The following CALN1 variants were observed in gnomAD, a reference collection of about 807,000 sequenced individuals.
The protein encoded by CALN1 is calcium-binding protein 8.
CALN1 carries 17 observed loss-of-function variants against 30.6 expected under a neutral mutation model. The ratio of observed to expected loss-of-function variants is 0.56; its 90% confidence interval spans 0.38 to 0.83. The LOEUF (loss-of-function observed/expected upper bound fraction) is 0.83, where lower values mean the gene tolerates loss of function less well. Ranked by LOEUF, CALN1 falls within the 40% of genes least tolerant of loss-of-function variation. The pLI is 0.00. For missense variants in CALN1, 291 were observed against 354.9 expected (o/e 0.82, Z 1.45); for synonymous variants, 156 against 131.4 (o/e 1.19, Z -1.28).
At chr7:72,073,305 C>T (rs1239573002) in intron 4 of CALN1, among the ~76,000 whole-genome samples, 4 of 152,076 alleles carry the variant, frequency 2.6e-5, no homozygotes, top group Admixed American at 2.0e-4. Context: ...AGAAGAAAAA[C>T]GTTATGAAGA....
At chr7:72,407,158 A>G (rs1806755612) in intron 1 of CALN1, among the ~76,000 whole-genome samples, 2 of 152,246 alleles carry the variant, frequency 1.3e-5, no homozygotes, top group Non-Finnish European at 2.9e-5. Context: ...TAATCAAATT[A>G]GACCATCCAG....
chr7:72,501,908 CAAAAAA>C, the CALN1 span, among the ~76,000 whole-genome samples: 149 of 24,698 alleles, frequency 6.0e-3, 2 homozygotes, highest in Admixed American at 7.2e-3. Flanking sequence ...GATTTCGTCT[CAAAAAA>C]AAAAAAAAAA....
At chr7:72,304,459 A>G (rs1799511174) in intron 2 of CALN1, among the ~76,000 whole-genome samples, 2 of 152,220 alleles carry the variant, frequency 1.3e-5, no homozygotes, top group Non-Finnish European at 2.9e-5. Flanking sequence ...CCTGGGCAAC[A>G]ACAGGAAGGC....
chr7:72,110,106 G>A (rs1807457238), intron 3 of CALN1, among the ~76,000 whole-genome samples: 1 of 152,166 alleles, frequency 6.6e-6, no homozygotes. Context: ...AACTCTCTGG[G>A]TTACTGATAT....
chr7:72,494,599 G>A, the CALN1 span, among the ~76,000 whole-genome samples: 4 of 152,260 alleles, frequency 2.6e-5, no homozygotes, highest in Non-Finnish European at 4.4e-5. Context: ...AACACAGGCC[G>A]GGCGCGTTGG....
intron 4 of CALN1, among the ~76,000 whole-genome samples, chr7:72,080,122 T>C (rs1445237573): frequency 2.6e-5 from 4 of 152,198 alleles, no homozygotes; most frequent in African/African-American, 4.8e-5. Flanking sequence ...CTTCAGATCA[T>C]ACTAATGCCA....
chr7:72,103,247 A>G, intron 4 of CALN1: 1 of 168,662 alleles, frequency 5.9e-6, no homozygotes, highest in Non-Finnish European at 1.3e-5. Flanking sequence ...AATCACCTGG[A>G]TATTGAGACC....
At chr7:71,847,782 G>GAAGAAGA (rs1790382653) in intron 5 of CALN1, among the ~76,000 whole-genome samples, 1 of 146,326 alleles carries the variant, frequency 6.8e-6, no homozygotes, top group East Asian at 2.1e-4. Flanking sequence ...GAAAGAAGAA[G>GAAGAAGA]AAGAAGAAGA....
At chr7:72,358,792 T>C (rs184882464) in intron 2 of CALN1, among the ~76,000 whole-genome samples, 2 of 151,958 alleles carry the variant, frequency 1.3e-5, no homozygotes, top group East Asian at 3.9e-4. Context: ...CTACTAAAAA[T>C]ACAAAAATTA....
At chr7:71,848,337 C>T (rs1425218906) in intron 5 of CALN1, among the ~76,000 whole-genome samples, 4 of 152,158 alleles carry the variant, frequency 2.6e-5, no homozygotes, top group African/African-American at 9.7e-5. Flanking sequence ...TACTGAATGG[C>T]CCCTTCTGTT....
rs531848624 is a variant in CALN1, at chr7:72,022,701, C to G, written c.501+956G>C. 4.6e-5 allele frequency among the ~76,000 whole-genome samples: 7 copies of G among 152,202 alleles called. No homozygotes were observed. The South Asian group carries it at 1.5e-3, about 32-fold the overall frequency. On this transcript the variant is annotated intron_variant, in intron 5 of 6. Transcript: ENST00000395275. ...GAGCCACCAAATTCAGCTTCCCCAG[C>G]CAAATTGTGAAATAGCTAGGTCTGA...
rs1405750809 is a variant in CALN1, at chr7:71,781,221, A to G, written c.*6554T>C. On this transcript the variant is annotated 3_prime_UTR_variant, in exon 7 of 7. Coordinates refer to ENST00000395275, the MANE Select transcript of CALN1 (RefSeq NM_031468.4). ...TCTGGCTTTAGAGAAACCTGAAGCC[A>G]GGGAGGAATGTCACTCAACATAACC... The G allele has an allele frequency of 1.3e-5, 2 of 152,208 alleles. No individual in the cohort carries two copies. Among genetic ancestry groups the G allele is most frequent in the Non-Finnish European group, 2.9e-5 (2 of 68,046 alleles). 9.4% of individuals were successfully genotyped at this position (152,208 alleles called of 1,614,324 possible). A position where few individuals can be genotyped will look rare whatever the true frequency, so the allele number is the denominator to read the frequency against.
chr7:71,971,985 GAAAGAAAGA>G (rs1797856862), intron 5 of CALN1, among the ~76,000 whole-genome samples: 1 of 92,252 alleles, frequency 1.1e-5, no homozygotes, highest in Non-Finnish European at 2.5e-5. Flanking sequence ...AAGAAAGAAA[GAAAGAAAGA>G]GAAAGAAAGA....
chr7:71,882,470 T>G (rs1792630453), intron 5 of CALN1, among the ~76,000 whole-genome samples: 1 of 152,148 alleles, frequency 6.6e-6, no homozygotes. Context: ...GGAAGGGCCA[T>G]GATTCAGCCC....
intron 5 of CALN1, 114 bp downstream of exon 5, chr7:72,023,543 C>T: frequency 1.6e-6 from 1 of 616,270 alleles, no homozygotes; most frequent in African/African-American, 1.8e-5. Flanking sequence ...ACATATGTCG[C>T]TCAGCCCAGA....
intron 3 of CALN1, among the ~76,000 whole-genome samples, chr7:72,189,228 T>C (rs1790430985): frequency 6.6e-6 from 1 of 152,144 alleles, no homozygotes. Context: ...GTTCTGTCCT[T>C]TGGGGTTGAT....
At chr7:72,317,666 C>T (rs1003356516) in intron 2 of CALN1, among the ~76,000 whole-genome samples, 2 of 152,046 alleles carry the variant, frequency 1.3e-5, no homozygotes, top group Non-Finnish European at 2.9e-5. Flanking sequence ...TAGGAAGTCC[C>T]CCCCAGACTC....
chr7:72,499,905 CTTTCTT>C, the CALN1 span, among the ~76,000 whole-genome samples: 3 of 42,726 alleles, frequency 7.0e-5, no homozygotes, highest in South Asian at 5.7e-4. Context: ...TTCTTTCTTT[CTTTCTT>C]TCTATCTTTC....
intron 3 of CALN1, among the ~76,000 whole-genome samples, chr7:72,134,092 G>A (rs1809345038): frequency 6.6e-6 from 1 of 152,180 alleles, no homozygotes; most frequent in Non-Finnish European, 1.5e-5. Flanking sequence ...GAGAAGGCTG[G>A]AGGGACCTAG....
Sources: gnomAD v4.1 joint callset for allele counts (sites outside exome capture counted in the v4.1 genomes callset) on GRCh38, gnomAD v4.1.1 for gene constraint, MANE v1.5 for transcripts, NCBI Gene and HGNC (gene_info 2026-07-23, HGNC 2026-07-21) for gene names.